Variants in DMTF1 observed in about 807,000 individuals in gnomAD.
DMTF1 encodes the protein cyclin-D-binding Myb-like transcription factor 1.
In DMTF1, 39 loss-of-function variants were observed where a neutral mutation model predicts 91.1. That is an observed-to-expected ratio of 0.43 (90% CI 0.33 to 0.56). The LOEUF (loss-of-function observed/expected upper bound fraction) is 0.56. Among genes scored for constraint, DMTF1 ranks in the 20% least tolerant of loss-of-function variants. DMTF1 has a pLI of 0.05. For missense variants in DMTF1, 750 were observed against 914.5 expected, an observed-to-expected ratio of 0.82 and a Z score of 2.32; for synonymous variants, 338 against 309.5, an observed-to-expected ratio of 1.09 and a Z score of -0.97.
chr7:87,161,203 T>C (rs111428885), intron 1 of DMTF1, among the ~76,000 whole-genome samples: 1,649 of 152,130 alleles, frequency 0.011, 28 homozygotes, highest in African/African-American at 0.037. Flanking sequence ...CAAGAACATA[T>C]TTAGGATGAC....
At chr7:87,154,903 A>G (rs1790275594) in intron 1 of DMTF1, among the ~76,000 whole-genome samples, 1 of 152,134 alleles carries the variant, frequency 6.6e-6, no homozygotes, top group African/African-American at 2.4e-5. Context: ...ACTTGCCTTT[A>G]CCTCCTCCGC....
chr7:87,166,180 A>G (rs996849216), intron 3 of DMTF1, among the ~76,000 whole-genome samples: 1 of 152,148 alleles, frequency 6.6e-6, no homozygotes, highest in African/African-American at 2.4e-5. Context: ...CCTATACCTT[A>G]AGCTTCTCAT....
At chr7:87,173,733 A>AATC in intron 6 of DMTF1, 84 bp downstream of exon 6, 1 of 695,190 alleles carries the variant, frequency 1.4e-6, no homozygotes, top group Admixed American at 3.1e-5. Context: ...TCTGAGTTGG[A>AATC]CCTTCATCAC....
At chr7:87,160,523 C>T (rs1440754734) in intron 1 of DMTF1, among the ~76,000 whole-genome samples, 2 of 151,882 alleles carry the variant, frequency 1.3e-5, no homozygotes, top group Non-Finnish European at 2.9e-5. Context: ...GATCTTCCTG[C>T]CTCGGCCTCC....
chr7:87,195,889 A>G lies in DMTF1; in HGVS notation c.*749A>G, dbSNP rs1801127016. Reference sequence around the variant, plus strand: ...GTAAAACTAAATGAGGAAGGAAGTAATGTTACCTATCCTTGATACCATGAC... The same window carrying G: ...GTAAAACTAAATGAGGAAGGAAGTAGTGTTACCTATCCTTGATACCATGAC... On this transcript the variant is annotated 3_prime_UTR_variant, in exon 18 of 18. Coordinates refer to ENST00000331242, the MANE Select transcript of DMTF1 (RefSeq NM_001142327.2). 1.3e-5 allele frequency: 2 copies of G among 152,530 alleles called. No individual in the cohort carries two copies. The highest frequency in any genetic ancestry group is 1.3e-4 in the Admixed American group (2 of 15,244). 9.4% of individuals were successfully genotyped at this position (152,530 alleles called of 1,614,324 possible).
At chr7:87,155,544 A>T (rs1011435263) in intron 1 of DMTF1, 26 of 152,232 alleles carry the variant, frequency 1.7e-4, no homozygotes, top group African/African-American at 6.3e-4. Context: ...TATTAAAGAT[A>T]AAATATGGAT....
In DMTF1 at chr7:87,184,352, T is replaced by C. The variant is rs766808788; in HGVS notation, c.821-45T>C. 7.7e-6 allele frequency: 12 copies of C among 1,557,500 alleles called. No individual in the cohort carries two copies. The South Asian group carries it at 1.2e-4, about 16-fold the overall frequency. On this transcript the variant is annotated intron_variant, in intron 10 of 17. Transcript: ENST00000331242. ...TAAATAGAGGGCTGAATCAGATTTG[T>C]AAAAGAAGTTAGCAGTGGTAGTCTG...
rs200103115 is a variant in DMTF1, at chr7:87,195,088, G to A, written c.2231G>A (p.Ser744Asn). ...ESNIIGSSLG[S>N]PVSEDSKDVE... Reference sequence around the variant, plus strand: ...AATATCATTGGATCATCCTTGGGCAGTCCTGTTTCAGAAGATTCAAAGGAT... The same window carrying A: ...AATATCATTGGATCATCCTTGGGCAATCCTGTTTCAGAAGATTCAAAGGAT... Residue 744 changes from serine to asparagine, a missense_variant, in exon 18 of 18, where the codon AGT becomes AAT. Ser to Asn is a conservative substitution (Grantham distance 46, BLOSUM62 1). This residue lies in a region of DMTF1 where 410 missense variants were observed against 420.2 expected (regional missense o/e 0.98). Transcript: ENST00000331242. The A allele has an allele frequency of 3.5e-5, 57 of 1,612,376 alleles. No homozygotes were observed. The highest frequency in any genetic ancestry group is 2.8e-4 in the Admixed American group (17 of 59,890).
intron 4 of DMTF1, among the ~76,000 whole-genome samples, chr7:87,167,575 AATCATATCT>A (rs112920323): frequency 0.037 from 5,607 of 152,320 alleles, 127 homozygotes; most frequent in East Asian, 0.065. Flanking sequence ...CAGCATGGAA[AATCATATCT>A]ATCATATCTT....
Position 87,166,465 on chromosome 7 carries a change from T to C in DMTF1, c.110-18T>C. 6.3e-7 allele frequency: 1 copy of C among 1,594,384 alleles called. No homozygotes were observed. ...CTCTTTGGTTTGAAATTTTTGTTTG[T>C]TTGTTTTCTTCCATTAGAAGCGGAT... On this transcript the variant is annotated intron_variant, in intron 3 of 17. Coordinates refer to ENST00000331242, the MANE Select transcript of DMTF1 (RefSeq NM_001142327.2).
chr7:87,166,403 G>C, intron 3 of DMTF1, 80 bp from the exon 4 acceptor site: 5 of 1,446,684 alleles, frequency 3.5e-6, no homozygotes, highest in Non-Finnish European at 4.7e-6. Flanking sequence ...TAATAGATAA[G>C]AAAATTGTAG....
rs993949463 is a variant in DMTF1, at chr7:87,188,602, A to G, written c.1411+301A>G. Among the ~76,000 whole-genome samples, 8 of 152,306 alleles carry G rather than the reference A, an allele frequency of 5.3e-5. No homozygotes were observed. In the East Asian group the frequency reaches 9.7e-4, roughly 18 times the overall value. On this transcript the variant is annotated intron_variant, in intron 13 of 17. Coordinates refer to ENST00000331242, the MANE Select transcript of DMTF1 (RefSeq NM_001142327.2). ...AAATAGAAATTAGAATGAATGATAG[A>G]AAACTACCTAAAAAGCAGTCAATCA...
At position 87,181,360 on chromosome 7, in the gene DMTF1, T is replaced by C; in HGVS notation, c.710+19T>C. ...TCAAGGAGTAAGTTTTAAAGTTTTT[T>C]TCATTAATTCTAATTTTTTATGTCT... On this transcript the variant is annotated intron_variant, in intron 9 of 17. Transcript: ENST00000331242. 2 of 1,187,490 alleles carry C rather than the reference T, an allele frequency of 1.7e-6. No homozygotes were observed. The highest frequency in any genetic ancestry group is 2.4e-6 in the Non-Finnish European group (2 of 824,752). 73.6% of individuals were successfully genotyped at this position (1,187,490 alleles called of 1,614,324 possible). A position where few individuals can be genotyped will look rare whatever the true frequency, so the allele number is the denominator to read the frequency against.
At position 87,166,489 on chromosome 7, in the gene DMTF1, A is replaced by T; in HGVS notation, c.116A>T (p.Asp39Val). The change falls in exon 4 of 18, where the codon GAT (aspartate) becomes GTT (valine). Residue 39 changes from aspartate (D) to valine (V), a missense_variant. Coordinates refer to ENST00000331242, the MANE Select transcript of DMTF1 (RefSeq NM_001142327.2). The stretch of plus-strand genomic sequence containing the variant: ...GTTTGTTTTCTTCCATTAGAAGCGG[A>T]TGAAATAGACTCAGAAGATAGTATT... ...LILHCPQNEA[D>V]EIDSEDSIEP... 6.2e-7 allele frequency: 1 copy of T among 1,609,984 alleles called. No homozygotes were observed. Among genetic ancestry groups the T allele is most frequent in the Non-Finnish European group, 8.5e-7 (1 of 1,178,770 alleles).
At chr7:87,169,842 C>G (rs998270838) in intron 4 of DMTF1, among the ~76,000 whole-genome samples, 6 of 152,222 alleles carry the variant, frequency 3.9e-5, no homozygotes, top group African/African-American at 1.4e-4. Context: ...ACCAGAACCT[C>G]TAAATGTGGA....
chr7:87,155,958 AC>A (rs112678728), intron 1 of DMTF1, among the ~76,000 whole-genome samples: 5,599 of 152,228 alleles, frequency 0.037, 124 homozygotes, highest in East Asian at 0.065. Flanking sequence ...ATCAGGTGTT[AC>A]GTATCAGAAA....
chr7:87,178,252 CTG>C (rs1796649866), intron 7 of DMTF1, among the ~76,000 whole-genome samples: 1 of 152,010 alleles, frequency 6.6e-6, no homozygotes. Context: ...GTTATGTAAA[CTG>C]TGTAGAAACG....
rs369575985 is a variant in DMTF1 at position 87,173,518 on chromosome 7, A to G, written c.328-17A>G. On this transcript the variant is annotated splice_polypyrimidine_tract_variant and intron_variant, in intron 5 of 17. Coordinates refer to ENST00000331242, the MANE Select transcript of DMTF1 (RefSeq NM_001142327.2). ...GTTTTGTTTTGTTTTGTTTTGTTTT[A>G]CTTTTACCTTTTCAAGATTTTGCAG... The G allele has an allele frequency of 7.7e-5, 117 of 1,526,370 alleles. No homozygotes were observed. Among genetic ancestry groups the G allele is most frequent in the Middle Eastern group, 1.8e-4 (1 of 5,604 alleles). The allele number at this position is 1,526,370 out of a possible 1,614,324, so 94.6% of individuals were successfully genotyped here.
intron 1 of DMTF1, among the ~76,000 whole-genome samples, chr7:87,153,483 G>T (rs1054872688): frequency 1.3e-5 from 2 of 152,186 alleles, no homozygotes; most frequent in Non-Finnish European, 2.9e-5. Context: ...TTGTGCAATT[G>T]AATGATAGAG....
Sources: gnomAD v4.1 joint callset for allele counts (sites outside exome capture counted in the v4.1 genomes callset) on GRCh38, gnomAD v4.1.1 for gene constraint, gnomAD v4.1.1 regional missense constraint, MANE v1.5 for transcripts, NCBI Gene and HGNC (gene_info 2026-07-23, HGNC 2026-07-21) for gene names.